VPS8: variants seen among roughly 807,000 people sequenced by gnomAD.
The protein encoded by VPS8 is VPS8 subunit of CORVET complex, also known as vacuolar protein sorting-associated protein 8 homolog.
In VPS8, 129 loss-of-function variants were observed where a neutral mutation model predicts 216.4. The observed-to-expected ratio is 0.60, with a 90% CI of 0.52 to 0.69. The LOEUF is 0.69. VPS8 is among the 30% of genes least tolerant of loss of function. VPS8 has a pLI of 0.00. For synonymous variants in VPS8, 571 were observed against 565.4 expected, an observed-to-expected ratio of 1.01 and a Z score of -0.14; for missense variants, 1,531 against 1,683.5, an observed-to-expected ratio of 0.91 and a Z score of 1.59.
At chr3:184,912,366 C>T (rs887325292) in intron 25 of VPS8, among the ~76,000 whole-genome samples, 1 of 152,128 alleles carries the variant, frequency 6.6e-6, no homozygotes, top group African/African-American at 2.4e-5. Context: ...CTGTGAAGAT[C>T]AGCTATTAAT....
chr3:185,026,957 A>C (rs1426127513), intron 46 of VPS8, among the ~76,000 whole-genome samples: 4 of 141,912 alleles, frequency 2.8e-5, no homozygotes, highest in East Asian at 2.2e-4. Flanking sequence ...GATCCACCCA[A>C]CTCAGCCTCC....
At chr3:184,937,427 C>T (rs138201254) in intron 35 of VPS8, among the ~76,000 whole-genome samples, 1 of 152,288 alleles carries the variant, frequency 6.6e-6, no homozygotes, top group East Asian at 1.9e-4. Context: ...TTCATTCATT[C>T]GAACACTTAG....
intron 8 of VPS8, among the ~76,000 whole-genome samples, chr3:184,848,715 T>C (rs145033431): frequency 0.031 from 4,766 of 151,982 alleles, 89 homozygotes; most frequent in Non-Finnish European, 0.045. Flanking sequence ...ACTACAGGCG[T>C]GGGCCACCAT....
intron 8 of VPS8, among the ~76,000 whole-genome samples, chr3:184,844,680 T>A (rs1205554348): frequency 6.6e-6 from 1 of 152,246 alleles, no homozygotes; most frequent in Non-Finnish European, 1.5e-5. Flanking sequence ...TTTTCTTTGC[T>A]ATTCAGCATA....
At chr3:184,884,176 G>A (rs1407755977) in intron 21 of VPS8, among the ~76,000 whole-genome samples, 3 of 152,058 alleles carry the variant, frequency 2.0e-5, no homozygotes, top group Non-Finnish European at 4.4e-5. Context: ...ACACCCATCA[G>A]CTCGTCATTT....
chr3:184,859,903 C>A, intron 14 of VPS8, 82 bp from the exon 15 acceptor site: 1 of 974,142 alleles, frequency 1.0e-6, no homozygotes, highest in Non-Finnish European at 1.6e-6. Flanking sequence ...AAATGTGATA[C>A]TCTAGGTGGA....
chr3:184,954,247 C>A (rs1745200292), intron 36 of VPS8, among the ~76,000 whole-genome samples: 1 of 152,224 alleles, frequency 6.6e-6, no homozygotes, highest in African/African-American at 2.4e-5. Context: ...CAGGACCCTC[C>A]ACATGTTCAG....
At position 184,957,535 on chromosome 3, in the gene VPS8, T is replaced by C. The variant is rs947857539; in HGVS notation, c.3183+14T>C. On this transcript the variant is annotated intron_variant, in intron 37 of 47. Transcript: ENST00000625842. ...GAAACTATTCAGGTGAGACGAACAA[T>C]GTAAAAGAGACAAGAGTAAACTCTT... The C allele has an allele frequency of 1.2e-6, 2 of 1,601,506 alleles. No homozygotes were observed. Among genetic ancestry groups the C allele is most frequent in the African/African-American group, 1.3e-5 (1 of 74,726 alleles).
At chr3:184,813,480 A>G (rs1260172070) in intron 1 of VPS8, among the ~76,000 whole-genome samples, 2 of 152,150 alleles carry the variant, frequency 1.3e-5, no homozygotes, top group African/African-American at 4.8e-5. Flanking sequence ...TTTGTGTAAG[A>G]CGTGGGTTTG....
At chr3:185,019,084 A>C (rs1412551715) in intron 45 of VPS8, among the ~76,000 whole-genome samples, 4 of 152,072 alleles carry the variant, frequency 2.6e-5, no homozygotes, top group African/African-American at 4.8e-5. Context: ...CTTCCTCCTC[A>C]TCATTAGAGT....
intron 4 of VPS8, among the ~76,000 whole-genome samples, chr3:184,833,077 G>A (rs1214148121): frequency 2.6e-5 from 4 of 152,108 alleles, no homozygotes; most frequent in Non-Finnish European, 5.9e-5. Flanking sequence ...CTTGGAGGAA[G>A]CACAGATTAA....
intron 8 of VPS8, among the ~76,000 whole-genome samples, chr3:184,847,003 G>C (rs1263479048): frequency 6.6e-6 from 1 of 152,014 alleles, no homozygotes; most frequent in African/African-American, 2.4e-5. Flanking sequence ...ATCGAGGAAG[G>C]GTGAAAAAAT....
intron 36 of VPS8, among the ~76,000 whole-genome samples, chr3:184,956,357 A>C (rs544835354): frequency 6.6e-6 from 1 of 152,316 alleles, no homozygotes; most frequent in Non-Finnish European, 1.5e-5. Flanking sequence ...ATCTTACTTC[A>C]CTACAGTGGA....
intron 29 of VPS8, among the ~76,000 whole-genome samples, chr3:184,921,471 C>T (rs1387846442): frequency 1.3e-5 from 2 of 152,214 alleles, no homozygotes; most frequent in Non-Finnish European, 1.5e-5. Context: ...TACAATTCTG[C>T]TTACACCGTG....
chr3:184,879,551 T>G (rs190484823), intron 21 of VPS8, among the ~76,000 whole-genome samples: 13 of 152,252 alleles, frequency 8.5e-5, no homozygotes, highest in Non-Finnish European at 1.9e-4. Context: ...ACTGAGGGCT[T>G]TGCTGCAAGA....
chr3:184,986,957 T>C (rs1211212536), intron 42 of VPS8, among the ~76,000 whole-genome samples: 1 of 152,184 alleles, frequency 6.6e-6, no homozygotes, highest in African/African-American at 2.4e-5. Context: ...GTCCATAGTT[T>C]ACATTAGCAA....
chr3:184,881,279 T>C (rs1358206995), intron 21 of VPS8, among the ~76,000 whole-genome samples: 2 of 152,184 alleles, frequency 1.3e-5, no homozygotes, highest in African/African-American at 4.8e-5. Flanking sequence ...AACAGTTTTG[T>C]GTGTAACTTA....
chr3:185,040,684 CTT>C (rs1231719525), intron 46 of VPS8, among the ~76,000 whole-genome samples: 2 of 152,090 alleles, frequency 1.3e-5, no homozygotes, highest in Non-Finnish European at 2.9e-5. Context: ...AGCACATAAA[CTT>C]TTTTAGCAGC....
At position 184,814,484 on chromosome 3, in the gene VPS8, C is replaced by G. The variant is rs543115231; in HGVS notation, c.-89+2259C>G. Among the ~76,000 whole-genome samples, 20 of 152,310 alleles carry G rather than the reference C, an allele frequency of 1.3e-4. No individual in the cohort carries two copies. In the South Asian group the frequency reaches 1.4e-3, roughly 11 times the overall value. ...TGGTGTAGTCTGCTACACACCTAGACTATGTGGGATGGCCTGTTGCTGCTA... is the reference window on the plus strand; with the variant it reads ...TGGTGTAGTCTGCTACACACCTAGAGTATGTGGGATGGCCTGTTGCTGCTA... On this transcript the variant is annotated intron_variant, in intron 1 of 47. Coordinates refer to ENST00000625842, the MANE Select transcript of VPS8 (RefSeq NM_001009921.3).
Sources: allele counts gnomAD v4.1 joint callset (sites outside exome capture counted in the v4.1 genomes callset), GRCh38; gene constraint gnomAD v4.1.1; transcripts MANE v1.5; gene names NCBI Gene and HGNC (gene_info 2026-07-23, HGNC 2026-07-21).